The following ZNF714 variants were observed in gnomAD, a reference collection of about 807,000 sequenced individuals.
ZNF714 encodes zinc finger protein 714.
ZNF714 carries 32 observed loss-of-function variants against 46.2 expected under a neutral mutation model. The ratio of observed to expected loss-of-function variants is 0.69; its 90% CI spans 0.52 to 0.93. The LOEUF (loss-of-function observed/expected upper bound fraction) is 0.93, where lower values mean the gene tolerates loss of function less well. ZNF714 is among the 40% of genes least tolerant of loss of function. ZNF714 has a pLI of 0.00. For missense variants in ZNF714, 635 were observed against 646.3 expected (o/e 0.98, Z 0.19); for synonymous variants, 199 against 213.1 (o/e 0.93, Z 0.58).
intron 4 of ZNF714, among the ~76,000 whole-genome samples, chr19:21,114,899 AGTTACAAAGACTTAGTAGT>A (rs1288302937): frequency 6.6e-6 from 1 of 151,916 alleles, no homozygotes; most frequent in Non-Finnish European, 1.5e-5. Context: ...ATTTTTCTCC[AGTTACAAAGACTTAGTAGT>A]GTTATTTTAT....
In ZNF714 at chr19:21,117,051, T is replaced by G. The variant is rs115651075; in HGVS notation, c.387T>G (p.Ile129Met). ...AATATATAAAAGTCTTTCATAAAATTTTCAATTCAAATAGACACAAGACAA... is the reference window on the plus strand; with the variant it reads ...AATATATAAAAGTCTTTCATAAAATGTTCAATTCAAATAGACACAAGACAA... ...CDKYIKVFHK[I>M]FNSNRHKTRH... Residue 129 changes from isoleucine to methionine, a missense_variant, in exon 5 of 5, where the codon ATT becomes ATG. By Grantham distance (10) the Ile-to-Met change is conservative (BLOSUM62 1). Coordinates refer to ENST00000456283, the MANE Select transcript of ZNF714 (RefSeq NM_182515.4). The G allele has an allele frequency of 6.8e-5, 109 of 1,613,184 alleles. No individual in the cohort carries two copies. In the African/African-American group the frequency reaches 8.8e-4, roughly 13 times the overall value.
chr19:21,116,339 C>T, intron 4 of ZNF714, among the ~76,000 whole-genome samples: 1 of 152,108 alleles, frequency 6.6e-6, no homozygotes, highest in East Asian at 1.9e-4. Flanking sequence ...ACTATAACTC[C>T]AAAATATACC....
intron 2 of ZNF714, among the ~76,000 whole-genome samples, chr19:21,094,877 AGTTT>A (rs981235419): frequency 2.0e-5 from 3 of 151,930 alleles, no homozygotes; most frequent in Non-Finnish European, 4.4e-5. Context: ...GGTTTTTGTT[AGTTT>A]GTTTTTGGCA....
Position 21,091,661 on chromosome 19 carries a change from T to G in ZNF714, c.-84-6524T>G, listed in dbSNP as rs1433314910. On this transcript the variant is annotated intron_variant, in intron 2 of 4. Transcript: ENST00000456283. ...CACAGCTATTTACCCAGATTATGTTTGTGATTCATCATTCCCCACCTCTTT... is the reference window on the plus strand; with the variant it reads ...CACAGCTATTTACCCAGATTATGTTGGTGATTCATCATTCCCCACCTCTTT... 6 of 149,816 alleles carry G rather than the reference T, an allele frequency of 4.0e-5. No homozygotes were observed. In the East Asian group the frequency reaches 1.2e-3, roughly 30 times the overall value. The allele number at this position is 149,816 out of a possible 1,614,324, so 9.3% of individuals were successfully genotyped here. A position where few individuals can be genotyped will look rare whatever the true frequency, so the allele number is the denominator to read the frequency against.
At chr19:21,088,743 A>C (rs1968841840) in intron 2 of ZNF714, among the ~76,000 whole-genome samples, 1 of 152,216 alleles carries the variant, frequency 6.6e-6, no homozygotes, top group Admixed American at 6.5e-5. Context: ...AGTAGTTGTA[A>C]GGTTTTTCTT....
At chr19:21,095,133 A>G (rs10413983) in intron 2 of ZNF714, among the ~76,000 whole-genome samples, 124,637 of 152,012 alleles carry the variant, frequency 0.82, 53,023 homozygotes, top group Middle Eastern at 0.93. Context: ...TTCCTTTGCT[A>G]TGAAGAAGCT....
At chr19:21,090,535 A>G (rs1968885221) in intron 2 of ZNF714, among the ~76,000 whole-genome samples, 1 of 152,112 alleles carries the variant, frequency 6.6e-6, no homozygotes, top group Admixed American at 6.6e-5. Context: ...TTTTACTGAG[A>G]GGTTTACCCA....
At chr19:21,110,287 T>C (rs1405015835) in intron 4 of ZNF714, among the ~76,000 whole-genome samples, 1 of 152,236 alleles carries the variant, frequency 6.6e-6, no homozygotes, top group East Asian at 1.9e-4. Flanking sequence ...GTAATCACCA[T>C]TTTGATGGCA....
chr19:21,090,075 C>T (rs1449342228), intron 2 of ZNF714, among the ~76,000 whole-genome samples: 1 of 152,262 alleles, frequency 6.6e-6, no homozygotes, highest in Non-Finnish European at 1.5e-5. Context: ...CTCTCCTTAG[C>T]AACCAATATC....
chr19:21,107,725 G>A (rs1969356911), intron 4 of ZNF714, among the ~76,000 whole-genome samples: 1 of 152,076 alleles, frequency 6.6e-6, no homozygotes, highest in African/African-American at 2.4e-5. Flanking sequence ...GTTTTCTTAC[G>A]TTGTCCATGC....
intron 4 of ZNF714, among the ~76,000 whole-genome samples, chr19:21,106,015 C>CT (rs1234478663): frequency 2.0e-5 from 3 of 151,498 alleles, no homozygotes; most frequent in Admixed American, 6.6e-5. Context: ...TGTTGGGAGG[C>CT]TAAGGCGGGA....
intron 4 of ZNF714, among the ~76,000 whole-genome samples, chr19:21,104,604 T>TTATA (rs1969268982): frequency 1.4e-5 from 2 of 145,970 alleles, no homozygotes; most frequent in South Asian, 4.2e-4. Context: ...TTTTATTTAT[T>TTATA]TATATATTTA....
intron 4 of ZNF714, among the ~76,000 whole-genome samples, chr19:21,101,923 C>CA (rs1275993389): frequency 6.6e-6 from 1 of 152,182 alleles, no homozygotes; most frequent in African/African-American, 2.4e-5. Context: ...TGGGCTTTAG[C>CA]AGAGTTTCAC....
At chr19:21,089,329 TCTTTTAAAAAGTC>T (rs1968855062) in intron 2 of ZNF714, among the ~76,000 whole-genome samples, 1 of 152,210 alleles carries the variant, frequency 6.6e-6, no homozygotes, top group Non-Finnish European at 1.5e-5. Context: ...ACCATAGTGC[TCTTTTAAAAAGTC>T]CTTTTAAATT....
chr19:21,082,203 G>C lies in ZNF714; in HGVS notation c.-322G>C, dbSNP rs113495616. The C allele has an allele frequency of 7.2e-4, 626 of 869,560 alleles. 4 individuals carry two copies. The African/African-American group carries it at 8.0e-3, about 11-fold the overall frequency. 53.9% of individuals were successfully genotyped at this position (869,560 alleles called of 1,614,324 possible). A position where few individuals can be genotyped will look rare whatever the true frequency, so the allele number is the denominator to read the frequency against. On this transcript the variant is annotated 5_prime_UTR_variant, in exon 1 of 5. Coordinates refer to ENST00000456283, the MANE Select transcript of ZNF714 (RefSeq NM_182515.4). ...GCTTCGGGGATGTGGCGGGGCCTTT[G>C]TCTCTCGCTGCAGCTGGAGCTGCAG...
intron 2 of ZNF714, among the ~76,000 whole-genome samples, chr19:21,086,530 C>A (rs144449325): frequency 2.0e-5 from 3 of 152,198 alleles, no homozygotes; most frequent in Non-Finnish European, 4.4e-5. Context: ...TAAACTGTTA[C>A]GACACTGGTA....
At chr19:21,086,916 C>G (rs1968794125) in intron 2 of ZNF714, among the ~76,000 whole-genome samples, 1 of 152,080 alleles carries the variant, frequency 6.6e-6, no homozygotes, top group Non-Finnish European at 1.5e-5. Context: ...TAGTCAGAGT[C>G]TTCTTGACCC....
intron 4 of ZNF714, among the ~76,000 whole-genome samples, chr19:21,108,932 A>G (rs2144863411): frequency 6.6e-6 from 1 of 152,342 alleles, no homozygotes; most frequent in East Asian, 1.9e-4. Flanking sequence ...ATATATACAG[A>G]CACATATACA....
At chr19:21,097,663 A>G (rs144550108) in intron 2 of ZNF714, among the ~76,000 whole-genome samples, 26 of 152,192 alleles carry the variant, frequency 1.7e-4, no homozygotes, top group African/African-American at 5.8e-4. Flanking sequence ...GAAAAACACA[A>G]TCTCTTTCAC....
Sources: gnomAD v4.1 joint callset for allele counts (sites outside exome capture counted in the v4.1 genomes callset) on GRCh38, gnomAD v4.1.1 for gene constraint, MANE v1.5 for transcripts, NCBI Gene and HGNC (gene_info 2026-07-23, HGNC 2026-07-21) for gene names.